Variants in CASS4 observed in about 807,000 individuals in gnomAD.
CASS4 encodes Cas scaffold protein family member 4.
Under a neutral mutation model 54.2 loss-of-function variants are expected in CASS4, and 22 were observed. The observed-to-expected ratio is 0.41, with a 90% CI of 0.29 to 0.58. The LOEUF (loss-of-function observed/expected upper bound fraction) is 0.58, where lower values mean the gene tolerates loss of function less well. Among genes scored for constraint, CASS4 ranks in the 20% least tolerant of loss-of-function variants. CASS4 has a pLI of 0.36. For synonymous variants in CASS4, 409 were observed against 391.5 expected (o/e 1.04, Z -0.53); for missense variants, 854 against 986.7 (o/e 0.87, Z 1.80).
In CASS4 at chr20:56,452,396, C is replaced by G. The variant is rs1456571318; in HGVS notation, c.1220C>G (p.Ala407Gly). 6.2e-7 allele frequency: 1 copy of G among 1,613,910 alleles called. No individual in the cohort carries two copies. Among genetic ancestry groups the G allele is most frequent in the Non-Finnish European group, 8.5e-7 (1 of 1,180,020 alleles). The change falls in exon 5 of 6, where the codon GCT (alanine) becomes GGT (glycine). Residue 407 changes from alanine (A) to glycine (G), a missense_variant. Physicochemically the swap from Ala to Gly is moderately conservative, Grantham distance 60. Transcript: ENST00000679887. Reference sequence around the variant, plus strand: ...TCAGGTTCCAGTTCTGACAGCAGAGCTAGCATCGTTTCCTCGTGCTCCACC... The same window carrying G: ...TCAGGTTCCAGTTCTGACAGCAGAGGTAGCATCGTTTCCTCGTGCTCCACC... ...RLSGSSSDSR[A>G]SIVSSCSTTS...
intron 2 of CASS4, among the ~76,000 whole-genome samples, chr20:56,440,241 G>C (rs146244472): frequency 3.9e-5 from 6 of 152,192 alleles, no homozygotes; most frequent in Admixed American, 3.3e-4. Flanking sequence ...AACTGGCCCC[G>C]ATCTAGGCCT....
rs6014722 is a variant in CASS4, at chr20:56,414,777, T to G, written c.36+2283T>G. Among the ~76,000 whole-genome samples the G allele has an allele frequency of 6.6e-6, 1 of 152,130 alleles. No individual in the cohort carries two copies. Among genetic ancestry groups the G allele is most frequent in the Admixed American group, 6.5e-5 (1 of 15,268 alleles). On this transcript the variant is annotated intron_variant, in intron 1 of 5. Transcript: ENST00000679887. The surrounding 1 kb of genome is among the most constrained non-coding windows in gnomAD (Gnocchi z 4.1). The stretch of plus-strand genomic sequence containing the variant: ...CTGGCCAAAATGGTGAAACCCCATC[T>G]CTAGTAAAAATACAAAAAAATTAGC...
At chr20:56,419,414 A>G (rs1200637205) in intron 1 of CASS4, among the ~76,000 whole-genome samples, 3 of 152,036 alleles carry the variant, frequency 2.0e-5, no homozygotes, top group African/African-American at 7.2e-5. Context: ...TTCCTGGGAA[A>G]GCATCCCCAG....
Position 56,451,749 on chromosome 20 carries a change from A to T in CASS4, c.643-70A>T, listed in dbSNP as rs530332234. ...GAAGGAGCGGCGGAGTGACGATGAGATTTAAACAACGCACTCGCGCCCTCT... is the reference window on the plus strand; with the variant it reads ...GAAGGAGCGGCGGAGTGACGATGAGTTTTAAACAACGCACTCGCGCCCTCT... On this transcript the variant is annotated intron_variant, in intron 4 of 5. Coordinates refer to ENST00000679887, the MANE Select transcript of CASS4 (RefSeq NM_020356.4). The T allele has an allele frequency of 1.4e-4, 163 of 1,153,952 alleles. No individual in the cohort carries two copies. The African/African-American group carries it at 2.2e-3, about 15-fold the overall frequency. The allele number at this position is 1,153,952 out of a possible 1,614,324, so 71.5% of individuals were successfully genotyped here.
chr20:56,453,184 A>G, intron 5 of CASS4, 55 bp downstream of exon 5: 1 of 1,285,938 alleles, frequency 7.8e-7, no homozygotes, highest in South Asian at 1.3e-5. Flanking sequence ...TACCTGGAGT[A>G]GTGGCTACTA....
intron 1 of CASS4, among the ~76,000 whole-genome samples, chr20:56,419,512 C>T (rs1979312304): frequency 6.6e-6 from 1 of 150,682 alleles, no homozygotes; most frequent in Non-Finnish European, 1.5e-5. Flanking sequence ...AGTGCAACCT[C>T]AGCCTCCTGG....
chr20:56,443,178 C>T (rs1010281298), intron 2 of CASS4, among the ~76,000 whole-genome samples: 1 of 151,282 alleles, frequency 6.6e-6, no homozygotes, highest in African/African-American at 2.5e-5. Flanking sequence ...CTTGTCAGAC[C>T]GGGTAAGCAG....
At chr20:56,439,987 T>C (rs1336757068) in intron 2 of CASS4, among the ~76,000 whole-genome samples, 3 of 152,238 alleles carry the variant, frequency 2.0e-5, no homozygotes, top group African/African-American at 7.2e-5. Context: ...AGGAATGTGC[T>C]ACTCACCATT....
intron 1 of CASS4, among the ~76,000 whole-genome samples, chr20:56,433,709 T>G (rs959170582): frequency 2.6e-5 from 4 of 152,170 alleles, no homozygotes; most frequent in Non-Finnish European, 5.9e-5. Context: ...AGCTCTCTGC[T>G]TTTCAATGTC....
At position 56,420,178 on chromosome 20, in the gene CASS4, T is replaced by C. The variant is rs533666284; in HGVS notation, c.36+7684T>C. ...CACGAGTTTATGTTAGTGAATGTAT[T>C]GTTCTTTTCCTTTGAACAACTGCTT... On this transcript the variant is annotated intron_variant, in intron 1 of 5. Transcript: ENST00000679887. Among the ~76,000 whole-genome samples the C allele has an allele frequency of 1.2e-3, 180 of 152,332 alleles. 1 individual carries two copies. The highest frequency in any genetic ancestry group is 4.2e-3 in the African/African-American group (175 of 41,576).
intron 1 of CASS4, among the ~76,000 whole-genome samples, chr20:56,417,181 G>A (rs1254739893): frequency 6.6e-6 from 1 of 152,240 alleles, no homozygotes; most frequent in African/African-American, 2.4e-5. Context: ...TGAGTGGAGA[G>A]CAGTTTTAGG....
chr20:56,449,469 GGAGT>G (rs1980889507), intron 3 of CASS4, among the ~76,000 whole-genome samples: 2 of 152,046 alleles, frequency 1.3e-5, no homozygotes, highest in Admixed American at 1.3e-4. Context: ...TGGGGTAGGG[GGAGT>G]AGGGGGAGGG....
intron 1 of CASS4, among the ~76,000 whole-genome samples, chr20:56,431,472 G>T (rs1418472259): frequency 1.3e-5 from 2 of 152,222 alleles, no homozygotes; most frequent in African/African-American, 4.8e-5. Flanking sequence ...GGGGAATCGT[G>T]TTATGGCAAC....
rs763382930 is a variant in CASS4, at chr20:56,458,369, G to A, written c.1983G>A (p.Ser661=). The change falls in exon 6 of 6, where the codon TCG becomes TCA. Residue 661 remains serine, a synonymous_variant. Transcript: ENST00000679887. Reference sequence around the variant, plus strand: ...CTGGCCCTCTTATACCTCAGCCTTCGAGTCAACAGACTCCTGAGAGGAAAC... The same window carrying A: ...CTGGCCCTCTTATACCTCAGCCTTCAAGTCAACAGACTCCTGAGAGGAAAC... The part of the protein sequence containing the change: ...QNPGPLIPQP[S]SQQTPERKPR... The A allele has an allele frequency of 3.9e-5, 63 of 1,612,458 alleles. No homozygotes were observed. The highest frequency in any genetic ancestry group is 4.4e-5 in the Non-Finnish European group (52 of 1,178,872).
chr20:56,447,746 C>T (rs1450679178), intron 3 of CASS4, among the ~76,000 whole-genome samples: 2 of 152,234 alleles, frequency 1.3e-5, no homozygotes, highest in East Asian at 1.9e-4. Flanking sequence ...CTCCCTGGCT[C>T]TTGCTCCAGC....
At chr20:56,440,743 G>A (rs1372726029) in intron 2 of CASS4, among the ~76,000 whole-genome samples, 2 of 152,210 alleles carry the variant, frequency 1.3e-5, no homozygotes, top group East Asian at 3.9e-4. Flanking sequence ...ATTTGTCCTT[G>A]ATGTTAAGTG....
chr20:56,443,207 C>T (rs745667936), intron 2 of CASS4, among the ~76,000 whole-genome samples: 36 of 151,076 alleles, frequency 2.4e-4, no homozygotes, highest in Admixed American at 2.0e-3. Context: ...TCTGGCCTGG[C>T]GCGGTGGCTC....
intron 1 of CASS4, among the ~76,000 whole-genome samples, chr20:56,416,668 AGG>A (rs999387660): frequency 6.6e-6 from 1 of 152,154 alleles, no homozygotes; most frequent in African/African-American, 2.4e-5. Context: ...GAATTGAAAG[AGG>A]ATTTTACTGA....
Position 56,459,461 on chromosome 20 carries a change from C to T in CASS4, c.*714C>T, listed in dbSNP as rs1981498559. The T allele has an allele frequency of 3.6e-6, 1 of 280,284 alleles. No individual in the cohort carries two copies. The highest frequency in any genetic ancestry group is 9.9e-5 in the East Asian group (1 of 10,078). 17.4% of individuals were successfully genotyped at this position (280,284 alleles called of 1,614,324 possible). A position where few individuals can be genotyped will look rare whatever the true frequency, so the allele number is the denominator to read the frequency against. ...CTAGCTTGGTTCTTCTTCAATGTCT[C>T]CTTTTGGAGTTGTACCTGATTTTAT... On this transcript the variant is annotated 3_prime_UTR_variant, in exon 6 of 6. Transcript: ENST00000679887.
Sources: gnomAD v4.1 joint callset for allele counts (sites outside exome capture counted in the v4.1 genomes callset) on GRCh38, gnomAD v4.1.1 for gene constraint, Gnocchi (gnomAD v3.1) non-coding constraint, MANE v1.5 for transcripts, NCBI Gene and HGNC (gene_info 2026-07-23, HGNC 2026-07-21) for gene names.